The following ATP9B variants were observed in gnomAD, a reference collection of about 807,000 sequenced individuals.
The protein encoded by ATP9B is ATPase phospholipid transporting 9B, also known as probable phospholipid-transporting ATPase IIB.
In ATP9B, 110 loss-of-function variants were observed where a neutral mutation model predicts 146.1. The observed-to-expected ratio is 0.75, with a 90% CI of 0.65 to 0.88. ATP9B has a LOEUF of 0.88. Among genes scored for constraint, ATP9B ranks in the 40% least tolerant of loss-of-function variants. The probability of loss-of-function intolerance (pLI) is 0.00; values close to 1 mark genes in which losing one functional copy is unlikely to be tolerated. For missense variants in ATP9B, 1,499 were observed against 1,496.4 expected, an observed-to-expected ratio of 1.00 and a Z score of -0.03; for synonymous variants, 604 against 569.7, an observed-to-expected ratio of 1.06 and a Z score of -0.86.
intron 1 of ATP9B, among the ~76,000 whole-genome samples, chr18:79,078,938 T>G (rs1406839142): frequency 6.6e-6 from 1 of 152,200 alleles, no homozygotes; most frequent in Non-Finnish European, 1.5e-5. Context: ...TGTGTTAGTT[T>G]GCTGAGAATG....
chr18:79,325,671 C>T (rs1336233688), intron 15 of ATP9B, among the ~76,000 whole-genome samples: 1 of 152,092 alleles, frequency 6.6e-6, no homozygotes, highest in Non-Finnish European at 1.5e-5. Flanking sequence ...AGGTCAGTGG[C>T]AGTGGCACCT....
chr18:79,168,170 G>C (rs1000719655), intron 7 of ATP9B, among the ~76,000 whole-genome samples: 12 of 152,174 alleles, frequency 7.9e-5, no homozygotes, highest in Non-Finnish European at 1.3e-4. Context: ...AGTGGTTTAC[G>C]TGGAGCCAGG....
At chr18:79,072,425 T>C (rs2071969267) in intron 1 of ATP9B, among the ~76,000 whole-genome samples, 1 of 152,194 alleles carries the variant, frequency 6.6e-6, no homozygotes, top group African/African-American at 2.4e-5. Flanking sequence ...CCATTTAACC[T>C]GGAGTTGACA....
intron 1 of ATP9B, among the ~76,000 whole-genome samples, chr18:79,077,726 A>G (rs564919741): frequency 1.3e-5 from 2 of 152,312 alleles, no homozygotes; most frequent in Non-Finnish European, 2.9e-5. Flanking sequence ...GGTTCACAGC[A>G]ACCAATCATA....
chr18:79,162,943 G>A (rs990200119), intron 7 of ATP9B, among the ~76,000 whole-genome samples: 2 of 152,142 alleles, frequency 1.3e-5, no homozygotes, highest in Non-Finnish European at 1.5e-5. Flanking sequence ...ACACATACAC[G>A]AGTTGATCTT....
intron 13 of ATP9B, among the ~76,000 whole-genome samples, chr18:79,278,649 T>C (rs1599535412): frequency 6.6e-6 from 1 of 152,104 alleles, no homozygotes. Flanking sequence ...GAAAGTTCAG[T>C]TGTTGGATTT....
chr18:79,370,222 A>C (rs755272662), intron 26 of ATP9B, among the ~76,000 whole-genome samples: 7 of 152,230 alleles, frequency 4.6e-5, no homozygotes, highest in Non-Finnish European at 8.8e-5. Context: ...CATTCAGTGA[A>C]TATTTACTAT....
chr18:79,138,760 T>C (rs2094476643), intron 5 of ATP9B, among the ~76,000 whole-genome samples: 1 of 151,550 alleles, frequency 6.6e-6, no homozygotes, highest in African/African-American at 2.4e-5. Context: ...TGTTCATTAT[T>C]GTTGTTCTTA....
Position 79,206,951 on chromosome 18 carries a change from G to A in ATP9B, c.969G>A (p.Pro323=), listed in dbSNP as rs1042976826. The part of the protein sequence containing the change: ...EGTFTREDSD[P]PIHESLSIEN... The stretch of plus-strand genomic sequence containing the variant: ...TCCCTGCACAGGAAGACAGTGACCC[G>A]CCCATTCATGAAAGTCTCAGCATAG... Residue 323 remains proline (P), a synonymous_variant, in exon 10 of 30, where the codon CCG becomes CCA. Coordinates refer to ENST00000426216, the MANE Select transcript of ATP9B (RefSeq NM_198531.5). 9.3e-6 allele frequency: 15 copies of A among 1,613,692 alleles called. No homozygotes were observed. The African/African-American group carries it at 1.2e-4, about 13-fold the overall frequency.
chr18:79,147,450 C>T (rs1173657990), intron 6 of ATP9B, among the ~76,000 whole-genome samples: 1 of 152,076 alleles, frequency 6.6e-6, no homozygotes, highest in Non-Finnish European at 1.5e-5. Context: ...TACCATAAAC[C>T]TCAACAAATT....
intron 19 of ATP9B, among the ~76,000 whole-genome samples, chr18:79,338,767 A>G (rs532722428): frequency 2.6e-5 from 4 of 152,386 alleles, no homozygotes; most frequent in African/African-American, 9.6e-5. Context: ...CGAAAGGTCA[A>G]CTGCAAATTG....
intron 5 of ATP9B, among the ~76,000 whole-genome samples, chr18:79,139,185 C>T (rs911323335): frequency 2.7e-4 from 41 of 152,080 alleles, no homozygotes; most frequent in African/African-American, 9.4e-4. Flanking sequence ...TGCCTTAATC[C>T]GTTATGACAT....
chr18:79,329,404 T>A (rs2096778297), intron 16 of ATP9B, 102 bp downstream of exon 16: 1 of 1,291,984 alleles, frequency 7.7e-7, no homozygotes, highest in Non-Finnish European at 1.0e-6. Flanking sequence ...TTTACTCAGG[T>A]GCTTTATGCT....
intron 9 of ATP9B, among the ~76,000 whole-genome samples, chr18:79,200,598 C>T (rs1438694271): frequency 4.6e-5 from 6 of 130,484 alleles, no homozygotes; most frequent in African/African-American, 1.4e-4. Context: ...TGCTCTCTGA[C>T]CAAGTGGGCT....
chr18:79,087,751 G>A (rs1281877807), intron 1 of ATP9B: 2 of 152,164 alleles, frequency 1.3e-5, no homozygotes, highest in African/African-American at 4.8e-5. Context: ...TAACTTATGT[G>A]CCTTCCAGTA....
intron 15 of ATP9B, among the ~76,000 whole-genome samples, chr18:79,314,144 C>G (rs1568655447): frequency 6.6e-6 from 1 of 152,226 alleles, no homozygotes; most frequent in Admixed American, 6.5e-5. Flanking sequence ...TTAACCTCAG[C>G]TCTGACCTAT....
chr18:79,218,790 G>C (rs1169864844), intron 11 of ATP9B, among the ~76,000 whole-genome samples: 3 of 152,246 alleles, frequency 2.0e-5, no homozygotes, highest in Non-Finnish European at 4.4e-5. Context: ...TTGCGAGCGA[G>C]TGATATGGGT....
At chr18:79,224,015 TA>T (rs1484411237) in intron 11 of ATP9B, among the ~76,000 whole-genome samples, 2 of 152,180 alleles carry the variant, frequency 1.3e-5, no homozygotes, top group Non-Finnish European at 2.9e-5. Flanking sequence ...AGAAAAGACT[TA>T]GTTAGCTTTA....
At chr18:79,298,806 C>T (rs1257557487) in intron 13 of ATP9B, among the ~76,000 whole-genome samples, 2 of 146,220 alleles carry the variant, frequency 1.4e-5, no homozygotes, top group African/African-American at 5.0e-5. Flanking sequence ...GAAAGATGTT[C>T]CTCCTTCTCA....
Sources: allele counts gnomAD v4.1 joint callset (sites outside exome capture counted in the v4.1 genomes callset), GRCh38; gene constraint gnomAD v4.1.1; transcripts MANE v1.5; gene names NCBI Gene and HGNC (gene_info 2026-07-23, HGNC 2026-07-21).